The following CCDC102B variants were observed in gnomAD, a reference collection of about 807,000 sequenced individuals.
The protein encoded by CCDC102B is coiled-coil domain containing 102B, also known as coiled-coil domain-containing protein 102B.
A neutral mutation model predicts 57.4 loss-of-function variants in CCDC102B; 75 were observed. The ratio of observed to expected loss-of-function variants is 1.31; its 90% confidence interval spans 1.08 to 1.58. The LOEUF is 1.58. CCDC102B is among the 40% of genes most tolerant of loss of function. The pLI is 0.00. For synonymous variants in CCDC102B, 206 were observed against 201.9 expected, an observed-to-expected ratio of 1.02 and a Z score of -0.17; for missense variants, 636 against 582.6, an observed-to-expected ratio of 1.09 and a Z score of -0.94.
At chr18:68,984,471 C>T (rs977486383) in intron 6 of CCDC102B, among the ~76,000 whole-genome samples, 4 of 151,958 alleles carry the variant, frequency 2.6e-5, no homozygotes, top group African/African-American at 4.8e-5. Context: ...CATGTGGGAA[C>T]TATGCCTTTT....
chr18:68,846,461 G>T, intron 4 of CCDC102B, 40 bp downstream of exon 4: 1 of 1,319,994 alleles, frequency 7.6e-7, no homozygotes, highest in Non-Finnish European at 1.1e-6. Flanking sequence ...ATGAAGCCTA[G>T]CTTTTTCTTT....
intron 6 of CCDC102B, among the ~76,000 whole-genome samples, chr18:68,934,226 C>A (rs1407024945): frequency 6.6e-6 from 1 of 151,780 alleles, no homozygotes; most frequent in African/African-American, 2.4e-5. Context: ...ACTTATCTAC[C>A]TAAAGTAGTT....
intron 4 of CCDC102B, among the ~76,000 whole-genome samples, chr18:68,853,060 A>T (rs1169385425): frequency 2.0e-5 from 3 of 152,152 alleles, no homozygotes; most frequent in Non-Finnish European, 2.9e-5. Flanking sequence ...TTCACCCAAT[A>T]TTCTTACTTC....
At chr18:69,046,358 C>A (rs2052567169) in intron 7 of CCDC102B, among the ~76,000 whole-genome samples, 1 of 152,094 alleles carries the variant, frequency 6.6e-6, no homozygotes, top group Non-Finnish European at 1.5e-5. Context: ...TTAGGCTGAG[C>A]ATTTTATAAT....
At chr18:68,829,147 A>G (rs1662268940) in intron 1 of CCDC102B, among the ~76,000 whole-genome samples, 1 of 151,966 alleles carries the variant, frequency 6.6e-6, no homozygotes, top group Admixed American at 6.6e-5. Context: ...TTCGATTTAT[A>G]TTTTCAAAGT....
At chr18:68,756,136 T>TC (rs2034040354) in intron 2 of CCDC102B, among the ~76,000 whole-genome samples, 1 of 151,738 alleles carries the variant, frequency 6.6e-6, no homozygotes, top group Admixed American at 6.6e-5. Context: ...CAATAAGTAT[T>TC]ATTTTGAATC....
At chr18:68,741,697 ACACACAC>A (rs2033392327) in intron 2 of CCDC102B, among the ~76,000 whole-genome samples, 4 of 149,748 alleles carry the variant, frequency 2.7e-5, no homozygotes, top group Admixed American at 2.6e-4. Context: ...ACACACACAC[ACACACAC>A]ACACACACAC....
intron 1 of CCDC102B, among the ~76,000 whole-genome samples, chr18:68,814,208 A>AT (rs2036389666): frequency 6.6e-6 from 1 of 152,116 alleles, no homozygotes; most frequent in Non-Finnish European, 1.5e-5. Context: ...GGAGGAAAAC[A>AT]TTTTTTCAAT....
chr18:68,953,428 G>A (rs774419200), intron 6 of CCDC102B, among the ~76,000 whole-genome samples: 4 of 125,792 alleles, frequency 3.2e-5, no homozygotes, highest in Non-Finnish European at 4.9e-5. Context: ...GTTTTGATTT[G>A]TATTTCCCTG....
intron 4 of CCDC102B, among the ~76,000 whole-genome samples, chr18:68,852,959 A>T (rs1189116862): frequency 4.6e-5 from 7 of 152,168 alleles, no homozygotes; most frequent in Non-Finnish European, 8.8e-5. Flanking sequence ...TCCTAGCAGG[A>T]TGTAAATATG....
intron 5 of CCDC102B, among the ~76,000 whole-genome samples, chr18:68,880,774 G>GC (rs141995956): frequency 0.012 from 1,776 of 152,270 alleles, 36 homozygotes; most frequent in East Asian, 0.08. Flanking sequence ...ATAAATTTAT[G>GC]ATTAGTAAAA....
intron 6 of CCDC102B, among the ~76,000 whole-genome samples, chr18:68,970,443 G>T (rs987783370): frequency 1.3e-5 from 2 of 151,750 alleles, no homozygotes; most frequent in East Asian, 1.9e-4. Context: ...CTAACTTGGA[G>T]ATGTAATATG....
In CCDC102B at chr18:68,735,131, A is replaced by C. The variant is rs145312399; in HGVS notation, c.-67+18537A>C. Among the ~76,000 whole-genome samples the C allele has an allele frequency of 2.3e-4, 35 of 152,272 alleles. No homozygotes were observed. In the East Asian group the frequency reaches 6.6e-3, roughly 29 times the overall value. ...CAGTGGTGCAGTCTCGGCTCACTGCAACCTCTGCCTCCCGGGTTCAAGTGA... is the reference window on the plus strand; with the variant it reads ...CAGTGGTGCAGTCTCGGCTCACTGCCACCTCTGCCTCCCGGGTTCAAGTGA... On this transcript the variant is annotated intron_variant, in intron 2 of 3. Coordinates refer to the CCDC102B transcript ENST00000578970.
chr18:68,731,894 T>A (rs75578427), intron 2 of CCDC102B, among the ~76,000 whole-genome samples: 1 of 82,832 alleles, frequency 1.2e-5, no homozygotes, highest in East Asian at 3.0e-4. Flanking sequence ...AAAGCTCTTT[T>A]TGGAGGAAAT....
intron 7 of CCDC102B, among the ~76,000 whole-genome samples, chr18:69,036,547 T>C (rs1469217329): frequency 5.3e-5 from 8 of 152,002 alleles, no homozygotes. Flanking sequence ...GCCTACTTGC[T>C]TGGCAATGAC....
intron 6 of CCDC102B, among the ~76,000 whole-genome samples, chr18:68,970,713 C>G (rs1488100030): frequency 6.6e-6 from 1 of 151,954 alleles, no homozygotes; most frequent in South Asian, 2.1e-4. Context: ...ACAGTGTTTT[C>G]TGAATGCAAT....
At chr18:68,847,998 AT>A (rs2037951612) in intron 4 of CCDC102B, among the ~76,000 whole-genome samples, 1 of 151,762 alleles carries the variant, frequency 6.6e-6, no homozygotes, top group Non-Finnish European at 1.5e-5. Flanking sequence ...TTATATACAT[AT>A]GTTTAAATTA....
At chr18:68,980,647 G>A (rs1043988688) in intron 6 of CCDC102B, among the ~76,000 whole-genome samples, 1 of 152,050 alleles carries the variant, frequency 6.6e-6, no homozygotes, top group Non-Finnish European at 1.5e-5. Context: ...CCTGAGCAAA[G>A]ATTGGTAGGA....
intron 7 of CCDC102B, among the ~76,000 whole-genome samples, chr18:69,025,495 G>A (rs947542365): frequency 6.6e-6 from 1 of 152,148 alleles, no homozygotes; most frequent in African/African-American, 2.4e-5. Flanking sequence ...CTGCATGTGC[G>A]TGTAAGCTAT....
Sources: allele counts gnomAD v4.1 joint callset (sites outside exome capture counted in the v4.1 genomes callset), GRCh38; gene constraint gnomAD v4.1.1; transcripts MANE v1.5; gene names NCBI Gene and HGNC (gene_info 2026-07-23, HGNC 2026-07-21).